DPY19L1: variants seen among roughly 807,000 people sequenced by gnomAD.
DPY19L1 encodes the protein dpy-19 like C-mannosyltransferase 1.
A neutral mutation model predicts 96.9 loss-of-function variants in DPY19L1; 35 were observed. The observed-to-expected ratio is 0.36, with a 90% confidence interval of 0.28 to 0.48. The LOEUF is 0.48. Among genes scored for constraint, DPY19L1 ranks in the 20% least tolerant of loss-of-function variants. DPY19L1 has a pLI of 0.99. For missense variants in DPY19L1, 521 were observed against 777.9 expected, an observed-to-expected ratio of 0.67 and a Z score of 3.93; for synonymous variants, 205 against 252.6, an observed-to-expected ratio of 0.81 and a Z score of 1.79.
chr7:34,986,322 T>C (rs1365920945), intron 7 of DPY19L1, among the ~76,000 whole-genome samples: 1 of 152,068 alleles, frequency 6.6e-6, no homozygotes, highest in East Asian at 1.9e-4. Context: ...AAATGCTAAG[T>C]TGGTGAGGGA....
intron 1 of DPY19L1, among the ~76,000 whole-genome samples, chr7:35,027,751 T>A (rs1228222746): frequency 6.7e-6 from 1 of 149,614 alleles, no homozygotes; most frequent in Non-Finnish European, 1.5e-5. Flanking sequence ...GGCAGGAGAA[T>A]CGCTTGAACT....
At chr7:34,955,046 A>G (rs1311263604) in intron 12 of DPY19L1, among the ~76,000 whole-genome samples, 2 of 147,982 alleles carry the variant, frequency 1.4e-5, no homozygotes, top group South Asian at 2.2e-4. Context: ...AATTCCCTTT[A>G]ACAGTTTCTT....
At chr7:34,939,980 A>T (rs1330467538) in intron 19 of DPY19L1, among the ~76,000 whole-genome samples, 173 bp downstream of exon 19, 2 of 152,216 alleles carry the variant, frequency 1.3e-5, no homozygotes, top group East Asian at 3.9e-4. Context: ...TCCCCTGCAA[A>T]CCATTTAAAC....
At chr7:34,979,012 G>A (rs1291081816) in intron 7 of DPY19L1, among the ~76,000 whole-genome samples, 3 of 152,118 alleles carry the variant, frequency 2.0e-5, no homozygotes, top group Non-Finnish European at 4.4e-5. Context: ...TCAGTGATAT[G>A]TAAATGCTAT....
At chr7:34,975,810 G>T (rs937169738) in intron 7 of DPY19L1, among the ~76,000 whole-genome samples, 1 of 152,088 alleles carries the variant, frequency 6.6e-6, no homozygotes, top group Non-Finnish European at 1.5e-5. Flanking sequence ...TACTCTGCAC[G>T]TGATCTACAA....
At chr7:34,956,088 G>A (rs182674458) in intron 11 of DPY19L1, among the ~76,000 whole-genome samples, 13 of 152,032 alleles carry the variant, frequency 8.6e-5, no homozygotes, top group Admixed American at 7.2e-4. Context: ...TGCTTAATTC[G>A]TACCTAAGGC....
intron 1 of DPY19L1, among the ~76,000 whole-genome samples, chr7:35,025,851 T>A (rs1434665722): frequency 6.6e-6 from 1 of 152,334 alleles, no homozygotes; most frequent in African/African-American, 2.4e-5. Flanking sequence ...TTTACCCCAC[T>A]GTGCCACACA....
intron 13 of DPY19L1, among the ~76,000 whole-genome samples, chr7:34,952,120 A>C (rs926467829): frequency 8.5e-6 from 1 of 117,276 alleles, no homozygotes; most frequent in Non-Finnish European, 1.9e-5. Context: ...AAAATAAAAA[A>C]AAAGACCACA....
chr7:35,005,148 AT>A (rs1254834243), intron 6 of DPY19L1, among the ~76,000 whole-genome samples: 1 of 152,060 alleles, frequency 6.6e-6, no homozygotes, highest in East Asian at 1.9e-4. Flanking sequence ...AGGCAAAGGA[AT>A]TTTTGTCTAT....
chr7:35,016,179 G>A (rs1785843721), intron 3 of DPY19L1, among the ~76,000 whole-genome samples: 1 of 152,168 alleles, frequency 6.6e-6, no homozygotes, highest in Non-Finnish European at 1.5e-5. Flanking sequence ...TGGGAAAACT[G>A]GCTGATGCCA....
At chr7:35,019,869 C>T (rs1014112302) in intron 1 of DPY19L1, among the ~76,000 whole-genome samples, 24 of 152,116 alleles carry the variant, frequency 1.6e-4, no homozygotes, top group African/African-American at 5.8e-4. Flanking sequence ...TAGTTTCTGT[C>T]TTTAAAAACT....
chr7:34,948,831 G>A (rs890453617), intron 14 of DPY19L1, among the ~76,000 whole-genome samples: 8 of 152,170 alleles, frequency 5.3e-5, no homozygotes, highest in Admixed American at 2.0e-4. Flanking sequence ...ACCATTTGCC[G>A]GAACACAATA....
intron 7 of DPY19L1, among the ~76,000 whole-genome samples, chr7:34,981,841 C>T (rs1326577881): frequency 6.6e-6 from 1 of 152,058 alleles, no homozygotes; most frequent in Non-Finnish European, 1.5e-5. Context: ...ATCCCAGCTA[C>T]TTGGGAGGCT....
chr7:34,946,554 T>G (rs1326681378), intron 15 of DPY19L1, among the ~76,000 whole-genome samples: 1 of 152,246 alleles, frequency 6.6e-6, no homozygotes, highest in East Asian at 1.9e-4. Context: ...CAATGCTTAG[T>G]ATTTTTTGAG....
chr7:35,034,591 G>T (rs1438525545), intron 1 of DPY19L1, among the ~76,000 whole-genome samples: 2 of 152,138 alleles, frequency 1.3e-5, no homozygotes, highest in Non-Finnish European at 2.9e-5. Context: ...TTTCAACAAT[G>T]CTTAACCCTG....
At chr7:35,030,344 A>G (rs1338599915) in intron 1 of DPY19L1, among the ~76,000 whole-genome samples, 2 of 152,202 alleles carry the variant, frequency 1.3e-5, no homozygotes, top group Non-Finnish European at 2.9e-5. Context: ...CCCTAAACTA[A>G]TAATTTGTCT....
intron 1 of DPY19L1, among the ~76,000 whole-genome samples, chr7:35,022,282 A>G (rs957943439): frequency 6.6e-6 from 1 of 152,346 alleles, no homozygotes; most frequent in Middle Eastern, 3.4e-3. Flanking sequence ...TTTTTAAAAA[A>G]TCCAAACCTA....
chr7:34,972,930 G>A (rs539580961), intron 8 of DPY19L1, among the ~76,000 whole-genome samples: 12 of 152,274 alleles, frequency 7.9e-5, no homozygotes, highest in Middle Eastern at 3.4e-3. Flanking sequence ...TTGCCCAAAG[G>A]GTTTGGCATA....
intron 6 of DPY19L1, among the ~76,000 whole-genome samples, chr7:34,992,785 A>G (rs1785201169): frequency 6.6e-6 from 1 of 151,736 alleles, no homozygotes. Flanking sequence ...AAAACCCATC[A>G]TTATTATACT....
Sources: gnomAD v4.1 joint callset for allele counts (sites outside exome capture counted in the v4.1 genomes callset) on GRCh38, gnomAD v4.1.1 for gene constraint, MANE v1.5 for transcripts, NCBI Gene and HGNC (gene_info 2026-07-23, HGNC 2026-07-21) for gene names.